The following TRPC5 variants were observed in gnomAD, a reference collection of about 807,000 sequenced individuals.
TRPC5 encodes transient receptor potential cation channel subfamily C member 5.
A neutral mutation model predicts 56.5 loss-of-function variants in TRPC5; 9 were observed. The ratio of observed to expected loss-of-function variants is 0.16; its 90% confidence interval spans 0.10 to 0.28. The LOEUF is 0.28. Among genes scored for constraint, TRPC5 ranks in the 10% least tolerant of loss-of-function variants. TRPC5 has a pLI of 1.00. For synonymous variants in TRPC5, 282 were observed against 278.5 expected (o/e 1.01, Z -0.13); for missense variants, 469 against 748.9 (o/e 0.63, Z 4.36).
chrX:111,821,948 G>A lies in TRPC5; in HGVS notation c.1896+12973C>T, dbSNP rs1412101357. On this transcript the variant is annotated intron_variant, in intron 7 of 10. Coordinates refer to ENST00000262839, the MANE Select transcript of TRPC5 (RefSeq NM_012471.3). ...CCTTTGGTTGGCACAACCCTTCAGA[G>A]TGTTGTGGACAGTGGTCCAGAAACA... 2.7e-5 allele frequency among the ~76,000 whole-genome samples: 3 copies of A among 111,342 alleles called. 1 individual carries two copies. The highest frequency in any genetic ancestry group is 5.7e-5 in the Non-Finnish European group (3 of 53,088).
intron 3 of TRPC5, among the ~76,000 whole-genome samples, chrX:111,885,542 GTTTT>G (rs760694250): frequency 1.0e-5 from 1 of 97,808 alleles, no homozygotes; most frequent in East Asian, 3.3e-4. Flanking sequence ...TAATCAAAGG[GTTTT>G]TTTTTTTTTT....
intron 7 of TRPC5, among the ~76,000 whole-genome samples, chrX:111,814,989 A>G (rs1921815762): frequency 9.0e-6 from 1 of 111,336 alleles, no homozygotes; most frequent in Admixed American, 9.6e-5. Flanking sequence ...ATTCTGTCTC[A>G]TTGCTTCAAG....
intron 1 of TRPC5, among the ~76,000 whole-genome samples, chrX:112,012,373 TTTTTC>T (rs957220105): frequency 6.2e-4 from 69 of 111,801 alleles, no homozygotes; most frequent in African/African-American, 1.3e-3. Context: ...AGTCTCTTTT[TTTTTC>T]TTTTCTTTTC....
intron 3 of TRPC5, among the ~76,000 whole-genome samples, chrX:111,872,996 C>T (rs1291887589): frequency 1.8e-5 from 2 of 112,265 alleles, no homozygotes; most frequent in African/African-American, 3.2e-5. Context: ...ACCAAGCAAT[C>T]CCACTACTGG....
At chrX:111,934,880 A>G (rs187315995) in intron 2 of TRPC5, among the ~76,000 whole-genome samples, 1 of 112,553 alleles carries the variant, frequency 8.9e-6, no homozygotes, top group Non-Finnish European at 1.9e-5. Context: ...TTGATCGACA[A>G]GTTAGTTAGC....
intron 1 of TRPC5, among the ~76,000 whole-genome samples, chrX:111,959,677 C>T (rs1048953345): frequency 1.6e-4 from 18 of 111,516 alleles, no homozygotes; most frequent in Non-Finnish European, 1.1e-4. Flanking sequence ...CAGTCAGCAT[C>T]TGAAGCTTAT....
chrX:111,889,461 C>T (rs1431333097), intron 3 of TRPC5, among the ~76,000 whole-genome samples: 1 of 112,339 alleles, frequency 8.9e-6, no homozygotes, highest in Non-Finnish European at 1.9e-5. Context: ...TGTAAGAAAT[C>T]CTATAAGGAA....
At chrX:112,003,646 G>T (rs1025813005) in intron 1 of TRPC5, among the ~76,000 whole-genome samples, 4 of 110,971 alleles carry the variant, frequency 3.6e-5, no homozygotes, top group African/African-American at 6.6e-5. Context: ...TGGTAATACT[G>T]CCCCCCTTGG....
At chrX:111,834,824 C>T in intron 7 of TRPC5, 97 bp downstream of exon 7, 2 of 619,571 alleles carry the variant, frequency 3.2e-6, no homozygotes, top group Non-Finnish European at 5.0e-6. Flanking sequence ...TTAATTGAGG[C>T]AGACGAACTC....
chrX:111,823,623 C>A (rs1329927344), intron 7 of TRPC5, among the ~76,000 whole-genome samples: 1 of 111,054 alleles, frequency 9.0e-6, no homozygotes, highest in Non-Finnish European at 1.9e-5. Context: ...TGTGTGAAGT[C>A]TGCTGGACAC....
intron 1 of TRPC5, among the ~76,000 whole-genome samples, chrX:111,990,307 A>G (rs912960133): frequency 1.8e-5 from 2 of 109,599 alleles, no homozygotes; most frequent in Non-Finnish European, 3.8e-5. Context: ...AATCCCAGAT[A>G]CATGGGAGGC....
chrX:111,870,015 T>A (rs187914638), intron 3 of TRPC5, among the ~76,000 whole-genome samples: 1 of 111,839 alleles, frequency 8.9e-6, no homozygotes, highest in Non-Finnish European at 1.9e-5. Context: ...AGAATAAATA[T>A]ATCAAAGCAG....
At chrX:112,036,252 G>T (rs1246324443) in intron 1 of TRPC5, among the ~76,000 whole-genome samples, 1 of 111,871 alleles carries the variant, frequency 8.9e-6, no homozygotes, top group African/African-American at 3.3e-5. Context: ...TCTACTATTT[G>T]CCTCAACCAT....
rs191740185 is a variant in TRPC5 at position 111,900,191 on chromosome X, G to T, written c.900+12100C>A. ...TAGTCAGCTGAAAGTGAAGCCTGTG[G>T]CTTGCTGGGCCCCACTCTGGTCAGA... On this transcript the variant is annotated intron_variant, in intron 3 of 10. Transcript: ENST00000262839. 5.4e-5 allele frequency among the ~76,000 whole-genome samples: 6 copies of T among 111,860 alleles called. No individual in the cohort carries two copies. In the East Asian group the frequency reaches 1.7e-3, roughly 31 times the overall value.
intron 2 of TRPC5, among the ~76,000 whole-genome samples, chrX:111,933,873 T>C (rs962596657): frequency 5.4e-5 from 6 of 111,162 alleles, no homozygotes; most frequent in Non-Finnish European, 1.1e-4. Flanking sequence ...AAATAATTTA[T>C]TTTTATTTAT....
chrX:111,807,186 CT>C (rs761711975), intron 7 of TRPC5, among the ~76,000 whole-genome samples: 1 of 111,620 alleles, frequency 9.0e-6, no homozygotes, highest in Admixed American at 9.6e-5. Flanking sequence ...TCTACATCCC[CT>C]TTAAGGCCAA....
At chrX:111,851,510 GGTGTGTGTGT>G (rs563243659) in intron 5 of TRPC5, among the ~76,000 whole-genome samples, 10 of 99,068 alleles carry the variant, frequency 1.0e-4, no homozygotes, top group Admixed American at 3.3e-4. Flanking sequence ...GTATTAAGGT[GGTGTGTGTGT>G]GTGTGTGTGT....
chrX:111,980,709 A>G (rs966562870), intron 1 of TRPC5, among the ~76,000 whole-genome samples: 2 of 110,027 alleles, frequency 1.8e-5, no homozygotes, highest in African/African-American at 6.6e-5. Context: ...AGCTTCAGCA[A>G]AAGTCATTGA....
chrX:111,994,770 C>T (rs956448576), intron 1 of TRPC5, among the ~76,000 whole-genome samples: 15 of 111,582 alleles, frequency 1.3e-4, no homozygotes, highest in African/African-American at 4.6e-4. Flanking sequence ...TGAGACTTTG[C>T]TGAAGTTGCT....
Sources: allele counts gnomAD v4.1 joint callset (sites outside exome capture counted in the v4.1 genomes callset), GRCh38; gene constraint gnomAD v4.1.1; transcripts MANE v1.5; gene names NCBI Gene and HGNC (gene_info 2026-07-23, HGNC 2026-07-21).